CADM2: variants seen among roughly 807,000 people sequenced by gnomAD.
The protein encoded by CADM2 is immunoglobulin superfamily member 4D.
In CADM2, 12 loss-of-function variants were observed where a neutral mutation model predicts 49.8. The ratio of observed to expected loss-of-function variants is 0.24; its 90% CI spans 0.15 to 0.39. CADM2 has a LOEUF of 0.39. CADM2 is among the 10% of genes least tolerant of loss of function. The pLI is 1.00. For synonymous variants in CADM2, 214 were observed against 175.4 expected (o/e 1.22, Z -1.74); for missense variants, 378 against 492.3 (o/e 0.77, Z 2.20).
At chr3:85,564,033 T>A (rs1033894693) in intron 1 of CADM2, among the ~76,000 whole-genome samples, 2 of 152,146 alleles carry the variant, frequency 1.3e-5, no homozygotes, top group African/African-American at 4.8e-5. Flanking sequence ...TGTTTTGCCT[T>A]TCCAATAAGA....
At chr3:85,552,623 G>A (rs1450951736) in intron 1 of CADM2, among the ~76,000 whole-genome samples, 10 of 150,934 alleles carry the variant, frequency 6.6e-5, no homozygotes, top group Admixed American at 2.6e-4. Context: ...CTTGTGATCC[G>A]CCCACCTCAA....
chr3:85,970,370 G>C (rs996450020), intron 8 of CADM2, among the ~76,000 whole-genome samples: 1 of 151,354 alleles, frequency 6.6e-6, no homozygotes, highest in African/African-American at 2.4e-5. Context: ...GATAGGAGTG[G>C]ATATTAAAAG....
chr3:85,688,339 G>T (rs2107674268), intron 1 of CADM2, among the ~76,000 whole-genome samples: 1 of 152,206 alleles, frequency 6.6e-6, no homozygotes, highest in South Asian at 2.1e-4. Context: ...GGATGGCAAA[G>T]AGGCAATTGA....
intron 2 of CADM2, among the ~76,000 whole-genome samples, chr3:85,780,696 C>G (rs949344185): frequency 2.0e-5 from 3 of 152,112 alleles, no homozygotes; most frequent in African/African-American, 7.2e-5. Context: ...TATTTTCCTG[C>G]AACATTTGAG....
At chr3:85,458,463 T>G (rs1025856643) in intron 1 of CADM2, among the ~76,000 whole-genome samples, 4 of 152,216 alleles carry the variant, frequency 2.6e-5, no homozygotes, top group African/African-American at 9.6e-5. Context: ...GAAATATGTA[T>G]TGATCTCCTG....
chr3:84,979,703 A>AC (rs1266904608), intron 1 of CADM2, among the ~76,000 whole-genome samples: 1 of 152,118 alleles, frequency 6.6e-6, no homozygotes, highest in African/African-American at 2.4e-5. Flanking sequence ...CTAAAAAAAA[A>AC]AGGTGTTCTT....
At chr3:86,016,040 G>GA (rs1362720262) in intron 8 of CADM2, among the ~76,000 whole-genome samples, 2 of 151,612 alleles carry the variant, frequency 1.3e-5, no homozygotes, top group South Asian at 2.1e-4. Context: ...TTTAAAAATG[G>GA]AAAAAAGAAA....
At chr3:85,537,293 A>ATTT (rs2061441887) in intron 1 of CADM2, among the ~76,000 whole-genome samples, 1 of 152,114 alleles carries the variant, frequency 6.6e-6, no homozygotes, top group Non-Finnish European at 1.5e-5. Flanking sequence ...TATTCAGGCT[A>ATTT]TGTAGAAGCA....
At chr3:85,269,158 T>G (rs1315711778) in intron 1 of CADM2, among the ~76,000 whole-genome samples, 1 of 151,308 alleles carries the variant, frequency 6.6e-6, no homozygotes, top group Non-Finnish European at 1.5e-5. Flanking sequence ...AGGGAAACAT[T>G]TTTAAAGACT....
At chr3:85,378,895 A>G (rs1267904438) in intron 1 of CADM2, among the ~76,000 whole-genome samples, 1 of 152,032 alleles carries the variant, frequency 6.6e-6, no homozygotes, top group Non-Finnish European at 1.5e-5. Context: ...AATAAAATAA[A>G]TTATAAAAAT....
At chr3:85,886,451 C>G (rs1713668927) in intron 5 of CADM2, 124 bp downstream of exon 5, 4 of 636,004 alleles carry the variant, frequency 6.3e-6, no homozygotes, top group Non-Finnish European at 1.1e-5. Context: ...ATCATTTGAA[C>G]CAGATTTACC....
At position 85,516,099 on chromosome 3, in the gene CADM2, T is replaced by C. The variant is rs368592436; in HGVS notation, c.62-210423T>C. ...AAAATGTTAATAATATTCATGATCA[T>C]TTCAGTTTCCATGCCACAGTCCTCA... On this transcript the variant is annotated intron_variant, in intron 1 of 9. Coordinates refer to ENST00000383699, the MANE Select transcript of CADM2 (RefSeq NM_001167675.2). 9.2e-5 allele frequency among the ~76,000 whole-genome samples: 14 copies of C among 152,280 alleles called. No individual in the cohort carries two copies. The East Asian group carries it at 2.3e-3, about 25-fold the overall frequency.
intron 1 of CADM2, among the ~76,000 whole-genome samples, chr3:85,476,699 AC>A (rs1370107569): frequency 6.6e-6 from 1 of 151,884 alleles, no homozygotes; most frequent in Admixed American, 6.6e-5. Flanking sequence ...CAAAGAGTAA[AC>A]TATTATTTTT....
At chr3:85,568,407 CT>C (rs200200733) in intron 1 of CADM2, among the ~76,000 whole-genome samples, 3 of 28,312 alleles carry the variant, frequency 1.1e-4, no homozygotes, top group Non-Finnish European at 2.2e-4. Context: ...CTCTTTCTTT[CT>C]TTCTTTCTTT....
At chr3:85,087,864 T>A (rs2037443808) in intron 1 of CADM2, among the ~76,000 whole-genome samples, 1 of 152,098 alleles carries the variant, frequency 6.6e-6, no homozygotes, top group Non-Finnish European at 1.5e-5. Context: ...ACTGCCCCAG[T>A]TTTTTCCAAA....
At position 85,892,783 on chromosome 3, in the gene CADM2, G is replaced by A. The variant is rs142414947; in HGVS notation, c.529+6456G>A. Among the ~76,000 whole-genome samples, 117 of 152,248 alleles carry A rather than the reference G, an allele frequency of 7.7e-4. No individual in the cohort carries two copies. In the Middle Eastern group the frequency reaches 0.01, roughly 13 times the overall value. Reference sequence around the variant, plus strand: ...TAAAGTTACCCAAAAATGTGGAGGCGACTCTGAAACTGGGTAACAGGCAGA... The same window carrying A: ...TAAAGTTACCCAAAAATGTGGAGGCAACTCTGAAACTGGGTAACAGGCAGA... On this transcript the variant is annotated intron_variant, in intron 5 of 9. Transcript: ENST00000383699.
chr3:85,936,536 T>G (rs937739400), intron 7 of CADM2, among the ~76,000 whole-genome samples: 1 of 151,802 alleles, frequency 6.6e-6, no homozygotes, highest in African/African-American at 2.4e-5. Flanking sequence ...ATCATTCTAA[T>G]ACAGGAACAC....
intron 2 of CADM2, among the ~76,000 whole-genome samples, chr3:85,734,978 A>G (rs2044655): frequency 0.22 from 32,008 of 148,096 alleles, 4,085 homozygotes; most frequent in Non-Finnish European, 0.29. Flanking sequence ...AAATATATAT[A>G]TGTGTGTGTG....
At chr3:85,604,798 T>A (rs1480027163) in intron 1 of CADM2, among the ~76,000 whole-genome samples, 1 of 151,998 alleles carries the variant, frequency 6.6e-6, no homozygotes, top group Non-Finnish European at 1.5e-5. Flanking sequence ...TGCTGGATTC[T>A]GATAGAGGGC....
Sources: gnomAD v4.1 joint callset for allele counts (sites outside exome capture counted in the v4.1 genomes callset) on GRCh38, gnomAD v4.1.1 for gene constraint, MANE v1.5 for transcripts, NCBI Gene and HGNC (gene_info 2026-07-23, HGNC 2026-07-21) for gene names.